The following DYNC1H1 variants were observed in gnomAD, a reference collection of about 807,000 sequenced individuals.
DYNC1H1 encodes cytoplasmic dynein 1 heavy chain 1.
In DYNC1H1, 51 loss-of-function variants were observed where a neutral mutation model predicts 527.1. The observed-to-expected ratio is 0.10, with a 90% CI of 0.08 to 0.12. The LOEUF (loss-of-function observed/expected upper bound fraction) is 0.12. Ranked by LOEUF, DYNC1H1 falls within the 10% of genes least tolerant of loss-of-function variation. The pLI is 1.00. For missense variants in DYNC1H1, 2,771 were observed against 5,971.8 expected, an observed-to-expected ratio of 0.46 and a Z score of 17.66; for synonymous variants, 2,189 against 2,278.8, an observed-to-expected ratio of 0.96 and a Z score of 1.12.
At chr14:102,048,780 C>T (rs2048762495) in intron 74 of DYNC1H1, 111 bp downstream of exon 74, 1 of 1,143,192 alleles carries the variant, frequency 8.7e-7, no homozygotes, top group South Asian at 1.3e-5. Context: ...CCTGCAGGAG[C>T]TTCCGAGAGC....
At chr14:101,978,714 A>C (rs933055192) in intron 2 of DYNC1H1, among the ~76,000 whole-genome samples, 6 of 152,212 alleles carry the variant, frequency 3.9e-5, no homozygotes, top group African/African-American at 1.4e-4. Flanking sequence ...CAATGGAAAC[A>C]TGAAGACTGG....
intron 11 of DYNC1H1, 94 bp downstream of exon 11, chr14:101,991,767 C>T: frequency 6.4e-7 from 1 of 1,553,906 alleles, no homozygotes; most frequent in South Asian, 1.1e-5. Flanking sequence ...TAGATAAGCT[C>T]TTGATGTTGT....
rs762072536 is a variant in DYNC1H1 at position 102,042,777 on chromosome 14, T to A, written c.12513+29T>A. The stretch of plus-strand genomic sequence containing the variant: ...AGTACCTTGTCCTCCTGGTATGCTT[T>A]CCCCATAGAAGCTAAAGCCCAGTCC... On this transcript the variant is annotated intron_variant, in intron 69 of 77. Transcript: ENST00000360184. The surrounding 1 kb of genome is among the most constrained non-coding windows in gnomAD (Gnocchi z 5.7). 6.2e-7 allele frequency: 1 copy of A among 1,611,862 alleles called. No individual in the cohort carries two copies. Among genetic ancestry groups the A allele is most frequent in the Admixed American group, 1.7e-5 (1 of 59,814 alleles).
At chr14:102,023,651 C>G (rs2048415175) in intron 43 of DYNC1H1, 1 of 154,338 alleles carries the variant, frequency 6.5e-6, no homozygotes, top group Non-Finnish European at 1.4e-5. Context: ...GGGTTCGAGA[C>G]CAGCCTGGAC....
In DYNC1H1 at chr14:101,986,853, G is replaced by A; in HGVS notation, c.2538+90G>A. On this transcript the variant is annotated intron_variant, in intron 8 of 77. Coordinates refer to ENST00000360184, the MANE Select transcript of DYNC1H1 (RefSeq NM_001376.5). This position sits in a 1 kb window ranked among gnomAD's most constrained non-coding sequence, Gnocchi z 8.7. ...TTAAAACACTAGTTCTCCCGAAGAAGGCATGCATGGTTGATGCAGCATACG... is the reference window on the plus strand; with the variant it reads ...TTAAAACACTAGTTCTCCCGAAGAAAGCATGCATGGTTGATGCAGCATACG... 6.9e-7 allele frequency: 1 copy of A among 1,454,458 alleles called. No homozygotes were observed. The highest frequency in any genetic ancestry group is 9.6e-7 in the Non-Finnish European group (1 of 1,039,234). The allele number at this position is 1,454,458 out of a possible 1,614,324, so 90.1% of individuals were successfully genotyped here. A position where few individuals can be genotyped will look rare whatever the true frequency, so the allele number is the denominator to read the frequency against.
rs944719685 is a variant in DYNC1H1, at chr14:102,015,396, C to T, written c.7242+64C>T. The stretch of plus-strand genomic sequence containing the variant: ...GTGCTAGGATATTCAGATGTGGTCT[C>T]GCTGTGTTGCCCACGCTGGTCTTGA... On this transcript the variant is annotated intron_variant, in intron 35 of 77. Transcript: ENST00000360184. This position sits in a 1 kb window ranked among gnomAD's most constrained non-coding sequence, Gnocchi z 6.9. 23 of 1,511,844 alleles carry T rather than the reference C, an allele frequency of 1.5e-5. No individual in the cohort carries two copies. Among genetic ancestry groups the T allele is most frequent in the Middle Eastern group, 2.2e-4 (1 of 4,454 alleles). The allele number at this position is 1,511,844 out of a possible 1,614,324, so 93.7% of individuals were successfully genotyped here.
rs1734390173 is a variant in DYNC1H1, at chr14:102,018,313, A to G, written c.8178-138A>G. The G allele has an allele frequency of 1.6e-6, 2 of 1,214,514 alleles. No homozygotes were observed. The highest frequency in any genetic ancestry group is 2.3e-6 in the Non-Finnish European group (2 of 867,710). The allele number at this position is 1,214,514 out of a possible 1,614,324, so 75.2% of individuals were successfully genotyped here. ...CAGCGTGTGTGTGATCTCAGCTAAC[A>G]CTGATGTCAAGTCTGCATAGCTGGG... On this transcript the variant is annotated intron_variant, in intron 40 of 77. Coordinates refer to ENST00000360184, the MANE Select transcript of DYNC1H1 (RefSeq NM_001376.5). This position sits in a 1 kb window ranked among gnomAD's most constrained non-coding sequence, Gnocchi z 5.2.
Position 101,969,218 on chromosome 14 carries a change from C to T in DYNC1H1, c.256+4271C>T, listed in dbSNP as rs903720268. ...TTTTTTTTTAGTAGAGACGGGGTTT[C>T]ACCGTGTTAGCCAGGATGATCTCGA... On this transcript the variant is annotated intron_variant, in intron 1 of 77. Transcript: ENST00000360184. 6 of 151,100 alleles carry T rather than the reference C, an allele frequency of 4.0e-5. No homozygotes were observed. In the East Asian group the frequency reaches 1.2e-3, roughly 30 times the overall value. 9.4% of individuals were successfully genotyped at this position (151,100 alleles called of 1,614,324 possible).
chr14:101,988,629 C>T, intron 9 of DYNC1H1, 74 bp from the exon 10 acceptor site: 3 of 1,595,786 alleles, frequency 1.9e-6, no homozygotes, highest in Non-Finnish European at 2.6e-6. Context: ...AAACACCTAC[C>T]ACTTTCTGAT....
chr14:101,981,081 T>G (rs1307252269), intron 5 of DYNC1H1, among the ~76,000 whole-genome samples: 1 of 152,096 alleles, frequency 6.6e-6, no homozygotes, highest in African/African-American at 2.4e-5. Context: ...GTGATGTTGT[T>G]TTTTGTTTTG....
Position 102,010,091 on chromosome 14 carries a change from G to A in DYNC1H1, c.6221+5G>A. On this transcript the variant is annotated splice_donor_5th_base_variant and intron_variant, in intron 30 of 77. Coordinates refer to ENST00000360184, the MANE Select transcript of DYNC1H1 (RefSeq NM_001376.5). This position sits in a 1 kb window ranked among gnomAD's most constrained non-coding sequence, Gnocchi z 6.0. ...CAAAATCGTCCCGTTTTTTAAGTAA[G>A]TAGCCTAGAATTCTTCATAATCATG... is the stretch of plus-strand genomic sequence containing the variant. 1 of 1,613,494 alleles carries A rather than the reference G, an allele frequency of 6.2e-7. No individual in the cohort carries two copies. The highest frequency in any genetic ancestry group is 8.5e-7 in the Non-Finnish European group (1 of 1,180,044).
intron 1 of DYNC1H1, among the ~76,000 whole-genome samples, chr14:101,971,439 A>T (rs2047737931): frequency 6.6e-6 from 1 of 151,954 alleles, no homozygotes; most frequent in Admixed American, 6.6e-5. Flanking sequence ...AACAAGCCAT[A>T]ATGCTGGCTG....
rs967284969 is a variant in DYNC1H1 at position 102,015,603 on chromosome 14, C to A, written c.7243-253C>A. ...CACGTATGGGAAAATTTAAAGAATTCTTTTCATTATCTTACTTTTCTCTAC... is the reference window on the plus strand; with the variant it reads ...CACGTATGGGAAAATTTAAAGAATTATTTTCATTATCTTACTTTTCTCTAC... On this transcript the variant is annotated intron_variant, in intron 35 of 77. Transcript: ENST00000360184. The surrounding 1 kb of genome is among the most constrained non-coding windows in gnomAD (Gnocchi z 6.9). 6.6e-6 allele frequency among the ~76,000 whole-genome samples: 1 copy of A among 152,208 alleles called. No individual in the cohort carries two copies. Among genetic ancestry groups the A allele is most frequent in the Admixed American group, 6.5e-5 (1 of 15,274 alleles).
rs552832731 is a variant in DYNC1H1 at position 101,984,645 on chromosome 14, T to G, written c.1461+1036T>G. Among the ~76,000 whole-genome samples the G allele has an allele frequency of 7.3e-5, 11 of 150,406 alleles. No individual in the cohort carries two copies. In the South Asian group the frequency reaches 1.9e-3, roughly 26 times the overall value. On this transcript the variant is annotated intron_variant, in intron 7 of 77. Transcript: ENST00000360184. ...TTTGTATTTTTAGTAGAAATAGGGATTCACCGGCCGGGCGCGGTGGCTCAC... is the reference window on the plus strand; with the variant it reads ...TTTGTATTTTTAGTAGAAATAGGGAGTCACCGGCCGGGCGCGGTGGCTCAC...
At position 102,049,394 on chromosome 14, in the gene DYNC1H1, G is replaced by T. The variant is rs757285383; in HGVS notation, c.13373-46G>T. 25 of 1,612,400 alleles carry T rather than the reference G, an allele frequency of 1.6e-5. No homozygotes were observed. The South Asian group carries it at 2.4e-4, about 16-fold the overall frequency. ...CACATTTGTTCCATCTGTGCTGGGG[G>T]AGTTGTGAGAGCTGACACCCTGGGC... On this transcript the variant is annotated intron_variant, in intron 74 of 77. Coordinates refer to ENST00000360184, the MANE Select transcript of DYNC1H1 (RefSeq NM_001376.5). The surrounding 1 kb of genome is among the most constrained non-coding windows in gnomAD (Gnocchi z 5.5).
chr14:102,049,411 A>C lies in DYNC1H1; in HGVS notation c.13373-29A>C. 1 of 1,613,362 alleles carries C rather than the reference A, an allele frequency of 6.2e-7. No individual in the cohort carries two copies. Among genetic ancestry groups the C allele is most frequent in the Non-Finnish European group, 8.5e-7 (1 of 1,180,018 alleles). On this transcript the variant is annotated intron_variant, in intron 74 of 77. Coordinates refer to ENST00000360184, the MANE Select transcript of DYNC1H1 (RefSeq NM_001376.5). This position sits in a 1 kb window ranked among gnomAD's most constrained non-coding sequence, Gnocchi z 5.5. The stretch of plus-strand genomic sequence containing the variant: ...TGCTGGGGGAGTTGTGAGAGCTGAC[A>C]CCCTGGGCTCTGTGTGCCTTGGCTG...
Position 102,053,752 on chromosome 14 carries a change from T to TTTTG in DYNC1H1, c.*3192_*3193insGTTT, listed in dbSNP as rs1555413068. The TTTTG allele has an allele frequency of 9.1e-6, 1 of 110,412 alleles. No homozygotes were observed. The highest frequency in any genetic ancestry group is 1.9e-5 in the Non-Finnish European group (1 of 53,962). 6.8% of individuals were successfully genotyped at this position (110,412 alleles called of 1,614,324 possible). A position where few individuals can be genotyped will look rare whatever the true frequency, so the allele number is the denominator to read the frequency against. On this transcript the variant is annotated 3_prime_UTR_variant, in exon 78 of 78. Coordinates refer to ENST00000360184, the MANE Select transcript of DYNC1H1 (RefSeq NM_001376.5). ...CCACCACACTCGGCCTCTTTGTTTG[T>TTTTG]TTTTTTTTTTTTTTGAGACAGTCTG...
In DYNC1H1 at chr14:102,011,050, A is replaced by C. The variant is rs1250831760; in HGVS notation, c.6618+98A>C. The stretch of plus-strand genomic sequence containing the variant: ...TGGGCCCTTCGATGAAACTGTCCAC[A>C]AAGGCTGTGGAGGTGCATAATATGC... On this transcript the variant is annotated intron_variant, in intron 32 of 77. Transcript: ENST00000360184. This position sits in a 1 kb window ranked among gnomAD's most constrained non-coding sequence, Gnocchi z 5.3. 2 of 1,310,536 alleles carry C rather than the reference A, an allele frequency of 1.5e-6. No homozygotes were observed. The highest frequency in any genetic ancestry group is 2.9e-5 in the African/African-American group (2 of 68,964). The allele number at this position is 1,310,536 out of a possible 1,614,324, so 81.2% of individuals were successfully genotyped here. A position where few individuals can be genotyped will look rare whatever the true frequency, so the allele number is the denominator to read the frequency against.
chr14:102,021,008 T>C (rs531282708), intron 42 of DYNC1H1, among the ~76,000 whole-genome samples: 18 of 152,302 alleles, frequency 1.2e-4, no homozygotes, highest in South Asian at 2.1e-4. Flanking sequence ...TTATTTCTTA[T>C]TGGAGTTCTG....
Sources: allele counts gnomAD v4.1 joint callset (sites outside exome capture counted in the v4.1 genomes callset), GRCh38; gene constraint gnomAD v4.1.1; non-coding constraint Gnocchi (gnomAD v3.1); transcripts MANE v1.5; gene names NCBI Gene and HGNC (gene_info 2026-07-23, HGNC 2026-07-21).